SLC37A3: variants seen among roughly 807,000 people sequenced by gnomAD.
SLC37A3 encodes the protein sugar phosphate exchanger 3.
Under a neutral mutation model 67.1 loss-of-function variants are expected in SLC37A3, and 51 were observed. The ratio of observed to expected loss-of-function variants is 0.76; its 90% CI spans 0.61 to 0.96. The LOEUF (loss-of-function observed/expected upper bound fraction) is 0.96, where lower values mean the gene tolerates loss of function less well. Ranked by LOEUF, SLC37A3 falls within the 40% of genes least tolerant of loss-of-function variation. The pLI, the probability that SLC37A3 is intolerant of heterozygous loss-of-function variation, is 0.00. For synonymous variants in SLC37A3, 214 were observed against 231.4 expected, an observed-to-expected ratio of 0.92 and a Z score of 0.68; for missense variants, 508 against 603.0, an observed-to-expected ratio of 0.84 and a Z score of 1.65.
At chr7:140,375,233 C>T (rs112728206) in intron 3 of SLC37A3, among the ~76,000 whole-genome samples, 5 of 147,942 alleles carry the variant, frequency 3.4e-5, no homozygotes, top group Non-Finnish European at 5.9e-5. Flanking sequence ...CCTTGGAAGG[C>T]GGGGGCGGGT....
intron 3 of SLC37A3, among the ~76,000 whole-genome samples, chr7:140,373,255 C>G (rs1797894418): frequency 6.6e-6 from 1 of 152,014 alleles, no homozygotes; most frequent in Non-Finnish European, 1.5e-5. Context: ...TGCATCTGGC[C>G]AATAATTTTT....
chr7:140,372,440 A>G (rs760875941), intron 3 of SLC37A3, among the ~76,000 whole-genome samples: 5 of 152,220 alleles, frequency 3.3e-5, no homozygotes, highest in African/African-American at 7.2e-5. Flanking sequence ...TGCACTGACA[A>G]TGCAAGAGCA....
At chr7:140,376,599 A>G (rs941264330) in intron 3 of SLC37A3, among the ~76,000 whole-genome samples, 18 of 152,190 alleles carry the variant, frequency 1.2e-4, no homozygotes, top group Non-Finnish European at 2.6e-4. Flanking sequence ...TTTATAACAG[A>G]ATAAGGGCTA....
rs1217296789 is a variant in SLC37A3 at position 140,333,917 on chromosome 7, C to A, written c.*1495G>T. 1 of 152,572 alleles carries A rather than the reference C, an allele frequency of 6.6e-6. No homozygotes were observed. The highest frequency in any genetic ancestry group is 1.9e-4 in the East Asian group (1 of 5,190). 9.5% of individuals were successfully genotyped at this position (152,572 alleles called of 1,614,324 possible). A position where few individuals can be genotyped will look rare whatever the true frequency, so the allele number is the denominator to read the frequency against. The stretch of plus-strand genomic sequence containing the variant: ...TAAAGCAAGAGGTTGAAAAATATCC[C>A]CTAACCGAATGCAAATTAGGTATCC... On this transcript the variant is annotated 3_prime_UTR_variant, in exon 15 of 15. Transcript: ENST00000326232.
intron 9 of SLC37A3, among the ~76,000 whole-genome samples, 178 bp from the exon 10 acceptor site, chr7:140,348,945 C>T (rs183858459): frequency 1.1e-4 from 17 of 152,352 alleles, no homozygotes; most frequent in Admixed American, 1.1e-3. Flanking sequence ...TCCCTCTGCT[C>T]TTCATCCCTG....
intron 10 of SLC37A3, 88 bp from the exon 11 acceptor site, chr7:140,346,058 T>C (rs1796546205): frequency 1.1e-6 from 1 of 919,246 alleles, no homozygotes; most frequent in Non-Finnish European, 1.8e-6. Flanking sequence ...CTAGTCTCAC[T>C]AGCAGCAGCC....
At chr7:140,362,813 C>CG (rs1797404939) in intron 5 of SLC37A3, among the ~76,000 whole-genome samples, 1 of 54,242 alleles carries the variant, frequency 1.8e-5, no homozygotes, top group African/African-American at 7.0e-5. Context: ...CGCCCCGTCC[C>CG]GGAGGTGAGG....
chr7:140,378,731 A>G (rs1370427471), intron 3 of SLC37A3, among the ~76,000 whole-genome samples: 2 of 144,570 alleles, frequency 1.4e-5, no homozygotes, highest in East Asian at 2.1e-4. Flanking sequence ...GCAAGACTCC[A>G]TCTCACAAAA....
At chr7:140,336,822 G>C (rs1031530046) in intron 14 of SLC37A3, among the ~76,000 whole-genome samples, 1 of 152,102 alleles carries the variant, frequency 6.6e-6, no homozygotes, top group African/African-American at 2.4e-5. Context: ...TGTGAAGTCA[G>C]GCGCAGTGGC....
At chr7:140,336,987 T>C (rs1796159124) in intron 14 of SLC37A3, among the ~76,000 whole-genome samples, 1 of 150,668 alleles carries the variant, frequency 6.6e-6, no homozygotes, top group Admixed American at 6.7e-5. Flanking sequence ...TAATCCCAGC[T>C]ACTCGGGAGG....
At chr7:140,363,071 G>C (rs1797428536) in intron 5 of SLC37A3, among the ~76,000 whole-genome samples, 4 of 92,720 alleles carry the variant, frequency 4.3e-5, no homozygotes, top group African/African-American at 1.6e-4. Context: ...AGGGTGGTGG[G>C]GGGGGTCAGC....
intron 5 of SLC37A3, among the ~76,000 whole-genome samples, chr7:140,363,938 G>C (rs1357306339): frequency 6.6e-6 from 1 of 152,076 alleles, no homozygotes; most frequent in Admixed American, 6.6e-5. Flanking sequence ...GACAACAAAG[G>C]AACCTGATTA....
intron 9 of SLC37A3, among the ~76,000 whole-genome samples, chr7:140,349,783 C>T (rs896213635): frequency 6.6e-5 from 10 of 152,186 alleles, no homozygotes; most frequent in African/African-American, 2.4e-4. Flanking sequence ...AGAACAATAG[C>T]TTGTGAAGAA....
intron 3 of SLC37A3, among the ~76,000 whole-genome samples, chr7:140,378,933 G>A (rs1436862217): frequency 2.0e-5 from 3 of 151,720 alleles, no homozygotes; most frequent in Non-Finnish European, 2.9e-5. Flanking sequence ...TGTAATCCCA[G>A]CTACTCAGGA....
In SLC37A3 at chr7:140,337,265, T is replaced by TA; in HGVS notation, c.1392+18dup. 1.4e-6 allele frequency: 2 copies of TA among 1,481,410 alleles called. No individual in the cohort carries two copies. The highest frequency in any genetic ancestry group is 9.0e-7 in the Non-Finnish European group (1 of 1,109,332). The allele number at this position is 1,481,410 out of a possible 1,614,324, so 91.8% of individuals were successfully genotyped here. A position where few individuals can be genotyped will look rare whatever the true frequency, so the allele number is the denominator to read the frequency against. On this transcript the variant is annotated intron_variant, in intron 14 of 14. Transcript: ENST00000326232. ...AACAGAAAAATGACTTTTTTTTTTTTAAAGGGGCACACACTTACCATGAGA... is the reference window on the plus strand; with the variant it reads ...AACAGAAAAATGACTTTTTTTTTTTTAAAAGGGGCACACACTTACCATGAGA...
intron 3 of SLC37A3, among the ~76,000 whole-genome samples, chr7:140,375,942 C>T (rs992659722): frequency 3.9e-5 from 6 of 152,154 alleles, no homozygotes; most frequent in African/African-American, 1.2e-4. Context: ...TCCCTGCAAC[C>T]GCAGTGTTCC....
At chr7:140,336,023 G>C (rs150378451) in intron 14 of SLC37A3, among the ~76,000 whole-genome samples, 139 of 152,320 alleles carry the variant, frequency 9.1e-4, no homozygotes, top group African/African-American at 3.2e-3. Flanking sequence ...CCTGGAGTAC[G>C]GGTGGTGGAA....
intron 4 of SLC37A3, among the ~76,000 whole-genome samples, chr7:140,367,338 G>A (rs778485601): frequency 1.1e-4 from 16 of 151,448 alleles, no homozygotes; most frequent in Non-Finnish European, 2.2e-4. Flanking sequence ...CCAGGAAGCT[G>A]AGGCAGGAGA....
At chr7:140,375,183 A>AG (rs1442206953) in intron 3 of SLC37A3, among the ~76,000 whole-genome samples, 4 of 150,456 alleles carry the variant, frequency 2.7e-5, no homozygotes, top group African/African-American at 9.8e-5. Context: ...ACAAAAAAAA[A>AG]ACAGGCTGGG....
Sources: gnomAD v4.1 joint callset for allele counts (sites outside exome capture counted in the v4.1 genomes callset) on GRCh38, gnomAD v4.1.1 for gene constraint, MANE v1.5 for transcripts, NCBI Gene and HGNC (gene_info 2026-07-23, HGNC 2026-07-21) for gene names.